Variants in TFEC observed in about 807,000 individuals in gnomAD.
TFEC encodes class E basic helix-loop-helix protein 34.
TFEC carries 31 observed loss-of-function variants against 41.6 expected under a neutral mutation model. The ratio of observed to expected loss-of-function variants is 0.74; its 90% CI spans 0.56 to 1.01. The LOEUF is 1.01. Ranked by LOEUF, TFEC falls within the 50% of genes least tolerant of loss-of-function variation. The probability of loss-of-function intolerance (pLI) is 0.00; values close to 1 mark genes in which losing one functional copy is unlikely to be tolerated. For synonymous variants in TFEC, 143 were observed against 140.6 expected, an observed-to-expected ratio of 1.02 and a Z score of -0.12; for missense variants, 402 against 404.1, an observed-to-expected ratio of 0.99 and a Z score of 0.04.
At chr7:116,094,356 T>C (rs1312982527) in intron 3 of TFEC, among the ~76,000 whole-genome samples, 1 of 152,208 alleles carries the variant, frequency 6.6e-6, no homozygotes. Flanking sequence ...TACTACCATG[T>C]AATGACAAAT....
At chr7:116,022,944 G>A (rs911761125) in intron 1 of TFEC, among the ~76,000 whole-genome samples, 2 of 152,070 alleles carry the variant, frequency 1.3e-5, no homozygotes, top group Non-Finnish European at 1.5e-5. Flanking sequence ...CAAATTATAT[G>A]ACCTGTCTGT....
At chr7:116,056,624 G>T (rs144228399) in intron 3 of TFEC, among the ~76,000 whole-genome samples, 79 of 152,170 alleles carry the variant, frequency 5.2e-4, no homozygotes, top group Non-Finnish European at 9.7e-4. Context: ...ATCAGCCTTA[G>T]ATCAAGCATT....
intron 1 of TFEC, among the ~76,000 whole-genome samples, chr7:116,007,487 G>T (rs1794843163): frequency 6.6e-6 from 1 of 152,188 alleles, no homozygotes; most frequent in South Asian, 2.1e-4. Context: ...AGCAATGCTG[G>T]CTAGAAAGGT....
intron 2 of TFEC, among the ~76,000 whole-genome samples, chr7:115,981,667 A>G (rs1404732383): frequency 1.3e-5 from 2 of 152,226 alleles, no homozygotes; most frequent in Non-Finnish European, 2.9e-5. Flanking sequence ...GAAAAGTGCA[A>G]TTGTTATCCA....
chr7:115,967,080 G>A (rs1455582719), intron 3 of TFEC, among the ~76,000 whole-genome samples: 1 of 151,472 alleles, frequency 6.6e-6, no homozygotes. Flanking sequence ...GCATATATAT[G>A]TGTATATACA....
intron 3 of TFEC, among the ~76,000 whole-genome samples, chr7:115,966,259 A>G (rs1792842241): frequency 6.6e-6 from 1 of 151,758 alleles, no homozygotes; most frequent in South Asian, 2.1e-4. Flanking sequence ...ATGTAAACAT[A>G]CTGTGCCCAT....
intron 1 of TFEC, among the ~76,000 whole-genome samples, chr7:116,002,073 C>T (rs553387244): frequency 4.3e-4 from 66 of 152,238 alleles, no homozygotes; most frequent in Admixed American, 4.1e-3. Flanking sequence ...GTACCCTCTT[C>T]GTGGGAATGT....
At chr7:116,122,607 A>G (rs1410018319) in intron 1 of TFEC, among the ~76,000 whole-genome samples, 1 of 152,084 alleles carries the variant, frequency 6.6e-6, no homozygotes, top group Non-Finnish European at 1.5e-5. Context: ...CAGGCCCTTT[A>G]GCAAGTTATA....
At chr7:115,977,494 T>C (rs1261384429) in intron 2 of TFEC, among the ~76,000 whole-genome samples, 3 of 152,052 alleles carry the variant, frequency 2.0e-5, no homozygotes, top group African/African-American at 7.2e-5. Context: ...TACATATTTA[T>C]AGCCAACAAA....
intron 3 of TFEC, among the ~76,000 whole-genome samples, chr7:116,110,382 T>C: frequency 6.6e-6 from 1 of 152,120 alleles, no homozygotes; most frequent in East Asian, 1.9e-4. Context: ...TAAAACTTCT[T>C]TGTGAAGTAT....
intron 1 of TFEC, among the ~76,000 whole-genome samples, chr7:115,993,998 C>T (rs1794243950): frequency 6.6e-6 from 1 of 152,092 alleles, no homozygotes; most frequent in Admixed American, 6.5e-5. Context: ...GTACTGGTAC[C>T]AAAACAGAGA....
intron 1 of TFEC, among the ~76,000 whole-genome samples, chr7:116,150,113 C>T (rs1798730160): frequency 6.6e-6 from 1 of 152,086 alleles, no homozygotes; most frequent in South Asian, 2.1e-4. Flanking sequence ...TCCAAAACAC[C>T]AACATCTTTT....
At chr7:116,131,083 C>T (rs563708008) in intron 1 of TFEC, among the ~76,000 whole-genome samples, 2 of 152,210 alleles carry the variant, frequency 1.3e-5, no homozygotes, top group Admixed American at 6.5e-5. Context: ...ATATTTGGTA[C>T]GTTTAAGACC....
At chr7:115,942,095 A>G (rs1041783277) in intron 6 of TFEC, 55 bp from the exon 7 acceptor site, 2 of 1,505,928 alleles carry the variant, frequency 1.3e-6, no homozygotes, top group African/African-American at 1.4e-5. Context: ...AGAATTCATA[A>G]GAACTTACAA....
intron 1 of TFEC, among the ~76,000 whole-genome samples, chr7:116,154,363 T>C (rs1449754575): frequency 6.6e-6 from 1 of 152,172 alleles, no homozygotes; most frequent in Non-Finnish European, 1.5e-5. Flanking sequence ...TACTATCTCC[T>C]GGTATATCAC....
chr7:115,961,596 A>G (rs965509803), intron 3 of TFEC, among the ~76,000 whole-genome samples: 4 of 151,738 alleles, frequency 2.6e-5, no homozygotes, highest in African/African-American at 9.7e-5. Context: ...AGATAGATTC[A>G]TAAACCAAAG....
intron 1 of TFEC, among the ~76,000 whole-genome samples, chr7:116,134,462 C>T (rs1398543073): frequency 6.6e-6 from 1 of 152,142 alleles, no homozygotes; most frequent in East Asian, 1.9e-4. Context: ...CATTACTATG[C>T]ACAGAAATGA....
chr7:116,039,519 G>C (rs1220114368), intron 3 of TFEC, among the ~76,000 whole-genome samples: 2 of 151,662 alleles, frequency 1.3e-5, no homozygotes, highest in African/African-American at 4.8e-5. Context: ...GCACCTTCCA[G>C]AATCTATCTG....
At chr7:115,980,618 C>T (rs1793583793) in intron 2 of TFEC, among the ~76,000 whole-genome samples, 1 of 152,034 alleles carries the variant, frequency 6.6e-6, no homozygotes, top group Non-Finnish European at 1.5e-5. Flanking sequence ...GGCGTGGTGG[C>T]TTGTGCCTGT....
Sources: gnomAD v4.1 joint callset for allele counts (sites outside exome capture counted in the v4.1 genomes callset) on GRCh38, gnomAD v4.1.1 for gene constraint, MANE v1.5 for transcripts, NCBI Gene and HGNC (gene_info 2026-07-23, HGNC 2026-07-21) for gene names.